PBX1: variants seen among roughly 807,000 people sequenced by gnomAD.
PBX1 encodes pre-B-cell leukemia transcription factor 1.
In PBX1, 6 loss-of-function variants were observed where a neutral mutation model predicts 53.4. That is an observed-to-expected ratio of 0.11 (90% confidence interval 0.06 to 0.22). The LOEUF is 0.22. Ranked by LOEUF, PBX1 falls within the 10% of genes least tolerant of loss-of-function variation. PBX1 has a pLI of 1.00. For synonymous variants in PBX1, 204 were observed against 212.3 expected (o/e 0.96, Z 0.34); for missense variants, 251 against 551.4 (o/e 0.46, Z 5.46).
At chr1:164,694,546 A>G (rs980054678) in intron 2 of PBX1, among the ~76,000 whole-genome samples, 4 of 152,190 alleles carry the variant, frequency 2.6e-5, no homozygotes, top group African/African-American at 9.6e-5. Flanking sequence ...ATCTACACAT[A>G]TAACTGCCCG....
At chr1:164,607,261 T>TG (rs1056405150) in intron 2 of PBX1, among the ~76,000 whole-genome samples, 5 of 151,928 alleles carry the variant, frequency 3.3e-5, no homozygotes, top group Non-Finnish European at 5.9e-5. Flanking sequence ...TGGATTAAAG[T>TG]GGGGGTGAGA....
At chr1:164,562,774 G>A (rs1305424495) in intron 1 of PBX1, 2 of 152,314 alleles carry the variant, frequency 1.3e-5, no homozygotes, top group Admixed American at 1.3e-4. Context: ...GAATACAGGG[G>A]CATCTGCGGA....
At chr1:164,752,462 G>A (rs1002514280) in intron 2 of PBX1, among the ~76,000 whole-genome samples, 2 of 152,060 alleles carry the variant, frequency 1.3e-5, no homozygotes, top group African/African-American at 4.8e-5. Flanking sequence ...GCAGAATGTG[G>A]AAGGAGGAGA....
intron 2 of PBX1, among the ~76,000 whole-genome samples, chr1:164,637,339 C>A (rs951893840): frequency 2.6e-5 from 4 of 152,106 alleles, no homozygotes; most frequent in Non-Finnish European, 4.4e-5. Flanking sequence ...AAAAGTTGGA[C>A]CAAAGTAAAA....
chr1:164,884,077 G>A (rs1326906897), intron 2 of PBX1, among the ~76,000 whole-genome samples: 1 of 152,150 alleles, frequency 6.6e-6, no homozygotes, highest in Non-Finnish European at 1.5e-5. Context: ...GTGTAACCTT[G>A]AGCAAGTCAT....
chr1:164,781,660 C>G (rs998561334), intron 2 of PBX1, among the ~76,000 whole-genome samples: 1 of 152,126 alleles, frequency 6.6e-6, no homozygotes, highest in South Asian at 2.1e-4. Flanking sequence ...CTCAAGGGCA[C>G]CCGATACCCT....
intron 2 of PBX1, among the ~76,000 whole-genome samples, chr1:164,883,202 C>T (rs73030731): frequency 1.7e-3 from 252 of 152,224 alleles, no homozygotes; most frequent in African/African-American, 5.7e-3. Context: ...CATCAGTGTT[C>T]AGGTACAGAG....
At chr1:164,655,838 G>T (rs1660133954) in intron 2 of PBX1, among the ~76,000 whole-genome samples, 1 of 152,146 alleles carries the variant, frequency 6.6e-6, no homozygotes, top group Non-Finnish European at 1.5e-5. Flanking sequence ...AAACTACTAT[G>T]ATTGTCATAG....
At chr1:164,584,981 A>G (rs754759371) in intron 2 of PBX1, among the ~76,000 whole-genome samples, 1 of 152,210 alleles carries the variant, frequency 6.6e-6, no homozygotes, top group South Asian at 2.1e-4. Flanking sequence ...CCAAAATACT[A>G]GAAAAGGACT....
chr1:164,779,294 T>A (rs1314745591), intron 2 of PBX1, among the ~76,000 whole-genome samples: 1 of 152,128 alleles, frequency 6.6e-6, no homozygotes, highest in Non-Finnish European at 1.5e-5. Flanking sequence ...TTATTTCTGG[T>A]CAAGTTTCCC....
chr1:164,597,065 G>C (rs1655816034), intron 2 of PBX1, among the ~76,000 whole-genome samples: 1 of 131,920 alleles, frequency 7.6e-6, no homozygotes, highest in Non-Finnish European at 1.7e-5. Context: ...CAGTGATCCT[G>C]TTCCAGGATC....
chr1:164,669,948 T>C (rs1661025626), intron 2 of PBX1, among the ~76,000 whole-genome samples: 1 of 152,238 alleles, frequency 6.6e-6, no homozygotes, highest in African/African-American at 2.4e-5. Context: ...TTGACCCTCA[T>C]GGTCTGGGCT....
chr1:164,700,440 C>T (rs767833207), intron 2 of PBX1: 36 of 984,836 alleles, frequency 3.7e-5, no homozygotes, highest in Admixed American at 6.1e-5. Context: ...GCTTTGGTTA[C>T]GTAGGGGAGG....
chr1:164,746,171 G>A (rs941588672), intron 2 of PBX1, among the ~76,000 whole-genome samples: 2 of 152,186 alleles, frequency 1.3e-5, no homozygotes, highest in Non-Finnish European at 2.9e-5. Context: ...GTATGTAGAG[G>A]TATGTTTCCT....
chr1:164,581,331 G>C (rs1654605747), intron 2 of PBX1, among the ~76,000 whole-genome samples: 1 of 151,538 alleles, frequency 6.6e-6, no homozygotes, highest in Non-Finnish European at 1.5e-5. Context: ...GGGTTCAAGT[G>C]ATTCTTCTGT....
chr1:164,788,815 T>G (rs745626579), intron 2 of PBX1, among the ~76,000 whole-genome samples: 38 of 146,200 alleles, frequency 2.6e-4, no homozygotes, highest in Non-Finnish European at 3.6e-4. Context: ...GGGGACCTAT[T>G]TATGTGTCTT....
rs536722821 is a variant in PBX1 at position 164,809,579 on chromosome 1, C to G, written c.837+1902C>G. On this transcript the variant is annotated intron_variant, in intron 5 of 8. Transcript: ENST00000420696. Reference sequence around the variant, plus strand: ...TCTTTCTTTTTGGATCTTAGTTGCCCCATTTACTAATCATGGTTTGTTGGA... The same window carrying G: ...TCTTTCTTTTTGGATCTTAGTTGCCGCATTTACTAATCATGGTTTGTTGGA... 7.2e-4 allele frequency among the ~76,000 whole-genome samples: 109 copies of G among 152,240 alleles called. 1 individual carries two copies. The highest frequency in any genetic ancestry group is 2.5e-3 in the African/African-American group (102 of 41,528).
intron 2 of PBX1, among the ~76,000 whole-genome samples, chr1:164,593,126 T>G (rs1655521256): frequency 6.6e-6 from 1 of 151,888 alleles, no homozygotes; most frequent in African/African-American, 2.4e-5. Context: ...CCCAGCTAAT[T>G]TTTGTATTTT....
At chr1:164,649,145 C>T (rs192484541) in intron 2 of PBX1, among the ~76,000 whole-genome samples, 62 of 152,246 alleles carry the variant, frequency 4.1e-4, no homozygotes, top group African/African-American at 1.1e-3. Flanking sequence ...CCTCTCCCAC[C>T]GCCATGCGCT....
Sources: gnomAD v4.1 joint callset for allele counts (sites outside exome capture counted in the v4.1 genomes callset) on GRCh38, gnomAD v4.1.1 for gene constraint, MANE v1.5 for transcripts, NCBI Gene and HGNC (gene_info 2026-07-23, HGNC 2026-07-21) for gene names.